The following CAPS2 variants were observed in gnomAD, a reference collection of about 807,000 sequenced individuals.
The protein encoded by CAPS2 is calcyphosine 2, also known as calcyphosin-2.
Under a neutral mutation model 86.5 loss-of-function variants are expected in CAPS2, and 98 were observed. That is an observed-to-expected ratio of 1.13 (90% CI 0.96 to 1.34). CAPS2 has a LOEUF of 1.34. Ranked by LOEUF, CAPS2 falls within the 40% of genes most tolerant of loss-of-function variation. The pLI, the probability that CAPS2 is intolerant of heterozygous loss-of-function variation, is 0.00. For missense variants in CAPS2, 729 were observed against 686.8 expected (o/e 1.06, Z -0.69); for synonymous variants, 210 against 225.1 (o/e 0.93, Z 0.60).
chr12:75,307,500 G>T (rs2038646869), intron 7 of CAPS2, among the ~76,000 whole-genome samples: 1 of 152,132 alleles, frequency 6.6e-6, no homozygotes, highest in Admixed American at 6.5e-5. Context: ...GATCAGTAGG[G>T]TGACTATAGT....
At chr12:75,282,282 G>A in exon 16 of CAPS2, 11 of 1,604,718 alleles carry the variant, frequency 6.9e-6, no homozygotes, top group Non-Finnish European at 9.4e-6. Flanking sequence ...TCTTTGCACA[G>A]TAACATTTTC....
At chr12:75,343,597 A>G in intron 1 of CAPS2, 1 of 934,114 alleles carries the variant, frequency 1.1e-6, no homozygotes, top group Non-Finnish European at 1.6e-6. Context: ...TTATTAAAAT[A>G]ATAAATTTAA....
At chr12:75,308,451 C>T (rs771275732) in intron 7 of CAPS2, among the ~76,000 whole-genome samples, 51 of 152,290 alleles carry the variant, frequency 3.3e-4, no homozygotes, top group Admixed American at 7.2e-4. Context: ...TGCTCCCACC[C>T]TGTGGAGTAT....
chr12:75,348,872 T>C (rs954790796), intron 1 of CAPS2, among the ~76,000 whole-genome samples: 4 of 152,152 alleles, frequency 2.6e-5, no homozygotes, highest in African/African-American at 7.2e-5. Context: ...CCGTGATCTC[T>C]GAAAAATAAC....
intron 5 of CAPS2, among the ~76,000 whole-genome samples, chr12:75,318,718 C>G (rs940005900): frequency 2.0e-4 from 31 of 152,116 alleles, no homozygotes; most frequent in African/African-American, 7.2e-4. Context: ...ACACTTTTCA[C>G]CATGTGTCAT....
chr12:75,329,897 G>C (rs2041142908), upstream of CAPS2: 2 of 1,540,528 alleles, frequency 1.3e-6, no homozygotes, highest in Non-Finnish European at 1.8e-6. Context: ...GGACAGGCGA[G>C]GGGCACAAGA....
At chr12:75,279,577 C>T (rs751631576) in intron 16 of CAPS2, among the ~76,000 whole-genome samples, 4 of 151,788 alleles carry the variant, frequency 2.6e-5, no homozygotes, top group Non-Finnish European at 5.9e-5. Flanking sequence ...TTCCCTCAAA[C>T]CAGAGGTTCT....
chr12:75,360,951 T>C (rs2043543554), intron 1 of CAPS2: 1 of 152,188 alleles, frequency 6.6e-6, no homozygotes, highest in Non-Finnish European at 1.5e-5. Flanking sequence ...TTGCAGTCTT[T>C]CTTCCCCTTA....
At chr12:75,383,745 T>G (rs1045926490) in intron 1 of CAPS2, among the ~76,000 whole-genome samples, 2 of 152,160 alleles carry the variant, frequency 1.3e-5, no homozygotes, top group Non-Finnish European at 2.9e-5. Context: ...CGAGCTCATA[T>G]GAAACATTTA....
chr12:75,363,159 A>C, intron 1 of CAPS2: 1 of 1,546,376 alleles, frequency 6.5e-7, no homozygotes, highest in Middle Eastern at 2.0e-4. Flanking sequence ...CTCTCTGCTC[A>C]AAAGAAGAGA....
intron 6 of CAPS2, among the ~76,000 whole-genome samples, chr12:75,313,118 A>C (rs577365767): frequency 2.0e-5 from 3 of 152,348 alleles, no homozygotes; most frequent in Non-Finnish European, 4.4e-5. Flanking sequence ...AATATCATTT[A>C]TTTTCTAAGA....
chr12:75,369,811 A>C, intron 1 of CAPS2: 1 of 1,289,780 alleles, frequency 7.8e-7, no homozygotes, highest in Non-Finnish European at 9.8e-7. Context: ...TAAGTACTGT[A>C]GGATTGAGTA....
exon 8 of CAPS2, chr12:75,304,794 G>A (rs1049337913): frequency 1.3e-5 from 21 of 1,605,836 alleles, no homozygotes; most frequent in Non-Finnish European, 1.8e-5. Context: ...AATCGAAGAG[G>A]TGTCATCTTT....
chr12:75,312,833 G>C lies in CAPS2; in HGVS notation c.659+15C>G, dbSNP rs1363817639. The C allele has an allele frequency of 2.1e-6, 3 of 1,418,048 alleles. No individual in the cohort carries two copies. In the African/African-American group the frequency reaches 4.2e-5, roughly 20 times the overall value. The allele number at this position is 1,418,048 out of a possible 1,614,324, so 87.8% of individuals were successfully genotyped here. On this transcript the variant is annotated intron_variant, in intron 7 of 16. Transcript: ENST00000393284. The stretch of plus-strand genomic sequence containing the variant: ...CTTTCTGAATTGATTTCTATTACCA[G>C]TTGCTAATTCTCACCTAGATAAGTG...
At chr12:75,388,586 G>GC (rs924310458) in intron 1 of CAPS2, among the ~76,000 whole-genome samples, 4 of 151,950 alleles carry the variant, frequency 2.6e-5, no homozygotes, top group Non-Finnish European at 5.9e-5. Flanking sequence ...TCTGGAAAAA[G>GC]CAAAACTATG....
chr12:75,362,723 T>C (rs777074106), intron 1 of CAPS2, among the ~76,000 whole-genome samples: 27 of 152,168 alleles, frequency 1.8e-4, no homozygotes, highest in Non-Finnish European at 3.2e-4. Context: ...ACTATGATAT[T>C]ATACTTTAAA....
At chr12:75,328,314 T>TTA (rs2040979958), upstream of CAPS2, among the ~76,000 whole-genome samples, 1 of 152,162 alleles carries the variant, frequency 6.6e-6, no homozygotes, top group South Asian at 2.1e-4. Flanking sequence ...TCTCAATTAT[T>TTA]TATATCCTAG....
chr12:75,298,034 G>A (rs550871895), intron 11 of CAPS2, among the ~76,000 whole-genome samples: 2 of 152,254 alleles, frequency 1.3e-5, no homozygotes, highest in Admixed American at 6.5e-5. Context: ...CAGGGAATGA[G>A]TCTAACTTAC....
At chr12:75,336,607 C>T (rs1291004239) in intron 1 of CAPS2, among the ~76,000 whole-genome samples, 1 of 151,710 alleles carries the variant, frequency 6.6e-6, no homozygotes, top group East Asian at 1.9e-4. Context: ...ACAAAAGACA[C>T]AGCAATCTTC....
Sources: allele counts gnomAD v4.1 joint callset (sites outside exome capture counted in the v4.1 genomes callset), GRCh38; gene constraint gnomAD v4.1.1; transcripts MANE v1.5; gene names NCBI Gene and HGNC (gene_info 2026-07-23, HGNC 2026-07-21).